The following ARL6 variants were observed in gnomAD, a reference collection of about 807,000 sequenced individuals.
ARL6 encodes ADP-ribosylation factor-like protein 6.
In ARL6, 18 loss-of-function variants were observed where a neutral mutation model predicts 27.1. That is an observed-to-expected ratio of 0.66 (90% CI 0.46 to 0.98). ARL6 has a LOEUF of 0.98. Among genes scored for constraint, ARL6 ranks in the 50% least tolerant of loss-of-function variants. The probability of loss-of-function intolerance (pLI) is 0.00; values close to 1 mark genes in which losing one functional copy is unlikely to be tolerated. For synonymous variants in ARL6, 65 were observed against 72.3 expected (o/e 0.90, Z 0.51); for missense variants, 187 against 214.9 (o/e 0.87, Z 0.81).
At chr3:97,794,217 G>GTGTT (rs1235955944) in intron 7 of ARL6, among the ~76,000 whole-genome samples, 3 of 145,680 alleles carry the variant, frequency 2.1e-5, no homozygotes, top group South Asian at 2.1e-4. Flanking sequence ...GTGTGTGTGT[G>GTGTT]TTTTTGAGAT....
At position 97,783,706 on chromosome 3, in the gene ARL6, T is replaced by C. The variant is rs529514172; in HGVS notation, c.255-1249T>C. ...AGAAAATGGTATATAAAAAGTTTTA[T>C]TTTGTATATCATTTGATTATTAATC... is the stretch of plus-strand genomic sequence containing the variant. On this transcript the variant is annotated intron_variant, in intron 4 of 7. Transcript: ENST00000463745. 3.3e-5 allele frequency among the ~76,000 whole-genome samples: 5 copies of C among 151,940 alleles called. No homozygotes were observed. The South Asian group carries it at 1.0e-3, about 31-fold the overall frequency.
At chr3:97,790,090 T>TGC (rs1553694713) in intron 6 of ARL6, among the ~76,000 whole-genome samples, 101 of 150,044 alleles carry the variant, frequency 6.7e-4, no homozygotes, top group African/African-American at 2.5e-3. Context: ...TGTGTGTGTG[T>TGC]GCATGTTGTG....
intron 1 of ARL6, among the ~76,000 whole-genome samples, chr3:97,766,260 T>C (rs2036377388): frequency 6.6e-6 from 1 of 152,222 alleles, no homozygotes; most frequent in Non-Finnish European, 1.5e-5. Flanking sequence ...ATGCAGTAAA[T>C]AAAGTGAGTA....
chr3:97,772,717 G>A (rs1258406367), intron 2 of ARL6, among the ~76,000 whole-genome samples: 5 of 150,892 alleles, frequency 3.3e-5, no homozygotes, highest in Non-Finnish European at 7.4e-5. Flanking sequence ...TGCCTCCCGG[G>A]TTCAAGCGAT....
Position 97,785,023 on chromosome 3 carries a change from A to G in ARL6, c.323A>G (p.Glu108Gly). 6.2e-7 allele frequency: 1 copy of G among 1,612,930 alleles called. No homozygotes were observed. Among genetic ancestry groups the G allele is most frequent in the Non-Finnish European group, 8.5e-7 (1 of 1,179,210 alleles). ...TTAAGAATGGTTGTGGCCAAAGAAG[A>G]ACTCGATACTCTTCTGAATCATCCA... ...DRLRMVVAKEELDTLLNHPDI... is the reference protein window; with the variant it reads ...DRLRMVVAKEGLDTLLNHPDI... Residue 108 changes from glutamate to glycine, a missense_variant, in exon 5 of 8, where the codon GAA becomes GGA. Coordinates refer to ENST00000463745, the MANE Select transcript of ARL6 (RefSeq NM_001278293.3).
At chr3:97,782,825 T>TAA (rs530843518) in intron 4 of ARL6, among the ~76,000 whole-genome samples, 3 of 144,758 alleles carry the variant, frequency 2.1e-5, no homozygotes, top group South Asian at 2.2e-4. Flanking sequence ...ACCATAGTAG[T>TAA]AAAAAAAAAA....
chr3:97,797,552 A>G (rs1404527695), intron 7 of ARL6, among the ~76,000 whole-genome samples: 1 of 152,134 alleles, frequency 6.6e-6, no homozygotes, highest in Non-Finnish European at 1.5e-5. Flanking sequence ...ATTGAAGGAA[A>G]TGATATTTGA....
intron 2 of ARL6, among the ~76,000 whole-genome samples, chr3:97,771,959 A>G (rs1174587859): frequency 1.3e-5 from 2 of 152,104 alleles, no homozygotes; most frequent in Non-Finnish European, 2.9e-5. Flanking sequence ...AGATTTTTGC[A>G]TCTATGTTCA....
intron 6 of ARL6, among the ~76,000 whole-genome samples, chr3:97,789,489 C>A (rs966299981): frequency 5.9e-5 from 9 of 151,952 alleles, no homozygotes; most frequent in African/African-American, 2.2e-4. Context: ...AATAATTAAC[C>A]ATTACATTTT....
Position 97,768,203 on chromosome 3 carries a change from G to T in ARL6, c.96G>T (p.Thr32=). 2 of 1,612,710 alleles carry T rather than the reference G, an allele frequency of 1.2e-6. No homozygotes were observed. The highest frequency in any genetic ancestry group is 2.2e-5 in the South Asian group (2 of 90,996). ...GGCTAGATAATAGTGGCAAAACGAC[G>T]ATCATTAACAAACTTAAACCTTCAA... ...CLGLDNSGKT[T]IINKLKPSNA... Residue 32 remains threonine (T), a synonymous_variant, in exon 2 of 8, where the codon ACG becomes ACT. Transcript: ENST00000463745.
rs548429754 is a variant in ARL6 at position 97,768,074 on chromosome 3, A to C, written c.-27-7A>C. 16 of 1,610,796 alleles carry C rather than the reference A, an allele frequency of 9.9e-6. No homozygotes were observed. In the Admixed American group the frequency reaches 1.0e-4, roughly 10 times the overall value. On this transcript the variant is annotated splice_region_variant and splice_polypyrimidine_tract_variant and intron_variant, in intron 1 of 7. Transcript: ENST00000463745. ...TTGGGTAATATTTTATTTTTTCTTA[A>C]TTGCAGCTGGTTTGTAAATATTTGA...
chr3:97,785,425 C>G (rs1443297541), intron 5 of ARL6, among the ~76,000 whole-genome samples: 2 of 133,822 alleles, frequency 1.5e-5, no homozygotes, highest in Admixed American at 1.6e-4. Context: ...TATTTTCATG[C>G]ATTTCTCTAT....
intron 6 of ARL6, among the ~76,000 whole-genome samples, chr3:97,790,205 G>A (rs1277370573): frequency 6.8e-6 from 1 of 147,990 alleles, no homozygotes; most frequent in Admixed American, 6.6e-5. Context: ...ATGATAATAA[G>A]AGAAAGAATA....
chr3:97,766,500 A>C (rs1204033868), intron 1 of ARL6: 1 of 152,264 alleles, frequency 6.6e-6, no homozygotes, highest in Non-Finnish European at 1.5e-5. Context: ...GTTCTGTAAT[A>C]GGCCTCACCT....
chr3:97,783,721 G>C (rs1042224917), intron 4 of ARL6, among the ~76,000 whole-genome samples: 1 of 151,608 alleles, frequency 6.6e-6, no homozygotes. Flanking sequence ...TATATCATTT[G>C]ATTATTAATC....
At chr3:97,796,765 G>C (rs1304485801) in intron 7 of ARL6, among the ~76,000 whole-genome samples, 1 of 152,118 alleles carries the variant, frequency 6.6e-6, no homozygotes, top group African/African-American at 2.4e-5. Context: ...AATAACATCA[G>C]ATTTATCAAC....
Position 97,780,832 on chromosome 3 carries a change from C to T in ARL6, c.254+149C>T, listed in dbSNP as rs569031240. ...CTATTTTAAAAAATATGTAATGAGA[C>T]TCAACATTGTTTGTCAAATGTTTCA... On this transcript the variant is annotated intron_variant, in intron 4 of 7. Transcript: ENST00000463745. 12 of 675,812 alleles carry T rather than the reference C, an allele frequency of 1.8e-5. No individual in the cohort carries two copies. The South Asian group carries it at 2.2e-4, about 12-fold the overall frequency. 41.9% of individuals were successfully genotyped at this position (675,812 alleles called of 1,614,324 possible). A position where few individuals can be genotyped will look rare whatever the true frequency, so the allele number is the denominator to read the frequency against.
intron 2 of ARL6, 27 bp from the exon 3 acceptor site, chr3:97,780,132 T>G (rs377544064): frequency 3.0e-5 from 47 of 1,590,368 alleles, no homozygotes; most frequent in East Asian, 6.7e-5. Context: ...AATTGTAAAT[T>G]TCTGAACTTT....
chr3:97,798,290 T>TA lies in ARL6; in HGVS notation c.*242dup, dbSNP rs2038097421. 2 of 468,028 alleles carry TA rather than the reference T, an allele frequency of 4.3e-6. No individual in the cohort carries two copies. Among genetic ancestry groups the TA allele is most frequent in the South Asian group, 6.7e-5 (2 of 29,842 alleles). 29.0% of individuals were successfully genotyped at this position (468,028 alleles called of 1,614,324 possible). ...AATTATCAAGTTCTTAGTGAAGGTC[T>TA]ACATTTGATTGTACGTAGAATGTTT... is the stretch of plus-strand genomic sequence containing the variant. On this transcript the variant is annotated 3_prime_UTR_variant, in exon 8 of 8. Transcript: ENST00000463745.
Sources: gnomAD v4.1 joint callset for allele counts (sites outside exome capture counted in the v4.1 genomes callset) on GRCh38, gnomAD v4.1.1 for gene constraint, MANE v1.5 for transcripts, NCBI Gene and HGNC (gene_info 2026-07-23, HGNC 2026-07-21) for gene names.